Variants in PTPRD observed in about 807,000 individuals in gnomAD.
The protein encoded by PTPRD is protein tyrosine phosphatase receptor type D.
A neutral mutation model predicts 214.5 loss-of-function variants in PTPRD; 34 were observed. That is an observed-to-expected ratio of 0.16 (90% CI 0.12 to 0.21). The LOEUF (loss-of-function observed/expected upper bound fraction) is 0.21, where lower values mean the gene tolerates loss of function less well. PTPRD is among the 10% of genes least tolerant of loss of function. PTPRD has a pLI of 1.00. For missense variants in PTPRD, 2,545 were observed against 2,398.7 expected (o/e 1.06, Z -1.27); for synonymous variants, 1,128 against 845.7 (o/e 1.33, Z -5.79).
At chr9:9,275,073 T>TACATA (rs1555158912) in intron 9 of PTPRD, among the ~76,000 whole-genome samples, 1 of 80,482 alleles carries the variant, frequency 1.2e-5, no homozygotes, top group Non-Finnish European at 2.3e-5. Flanking sequence ...ATATTATATA[T>TACATA]ATATATATAA....
At chr9:8,593,192 T>G (rs1268587137) in intron 14 of PTPRD, among the ~76,000 whole-genome samples, 2 of 152,198 alleles carry the variant, frequency 1.3e-5, no homozygotes, top group East Asian at 3.8e-4. Flanking sequence ...AGCATTTGAT[T>G]GAAAAAAGAC....
At chr9:8,800,820 T>C (rs763472586) in intron 11 of PTPRD, among the ~76,000 whole-genome samples, 3 of 152,160 alleles carry the variant, frequency 2.0e-5, no homozygotes, top group African/African-American at 4.8e-5. Context: ...GGGGTCTGGA[T>C]TGGGACCCCT....
chr9:10,496,406 CATTT>C (rs1309497164), intron 2 of PTPRD, among the ~76,000 whole-genome samples: 1 of 148,188 alleles, frequency 6.7e-6, no homozygotes, highest in South Asian at 2.2e-4. Context: ...TTTATTAAAT[CATTT>C]ATTTATTAAA....
intron 5 of PTPRD, among the ~76,000 whole-genome samples, chr9:9,794,199 G>A (rs1363467592): frequency 2.0e-5 from 3 of 147,078 alleles, no homozygotes; most frequent in African/African-American, 7.7e-5. Flanking sequence ...ATGTGTGTGT[G>A]TGTATATATA....
At chr9:10,379,817 T>C (rs1389672924) in intron 2 of PTPRD, among the ~76,000 whole-genome samples, 1 of 152,116 alleles carries the variant, frequency 6.6e-6, no homozygotes, top group Non-Finnish European at 1.5e-5. Context: ...CAAATGTGTG[T>C]AGAGATTACC....
At position 9,809,272 on chromosome 9, in the gene PTPRD, T is replaced by G. The variant is rs559000919; in HGVS notation, c.-367-42421A>C. On this transcript the variant is annotated intron_variant, in intron 5 of 45. Transcript: ENST00000381196. ...GGCCTTAGCCACAAGAGATTTTTTT[T>G]TTTTTTTTTTTTTCAGACGCAGTCT... Among the ~76,000 whole-genome samples, 42 of 150,352 alleles carry G rather than the reference T, an allele frequency of 2.8e-4. 1 individual carries two copies. The highest frequency in any genetic ancestry group is 9.8e-4 in the African/African-American group (40 of 40,940).
At chr9:9,863,546 A>C (rs967767422) in intron 5 of PTPRD, among the ~76,000 whole-genome samples, 1 of 152,176 alleles carries the variant, frequency 6.6e-6, no homozygotes, top group African/African-American at 2.4e-5. Flanking sequence ...GATTAATCTA[A>C]GCTAATCAAG....
At position 8,525,230 on chromosome 9, in the gene PTPRD, ACAT is replaced by A. The variant is rs770914260; in HGVS notation, c.569-198_569-196del. 42 of 694,382 alleles carry A rather than the reference ACAT, an allele frequency of 6.0e-5. No homozygotes were observed. The African/African-American group carries it at 6.8e-4, about 11-fold the overall frequency. The allele number at this position is 694,382 out of a possible 1,614,324, so 43.0% of individuals were successfully genotyped here. On this transcript the variant is annotated intron_variant, in intron 17 of 45. Coordinates refer to ENST00000381196, the MANE Select transcript of PTPRD (RefSeq NM_002839.4). Reference sequence around the variant, plus strand: ...CATATAGAGATTATTTTTTTTTTTTACATCATCAATGCTAGCATTAGAAATCAA... The same window carrying A: ...CATATAGAGATTATTTTTTTTTTTTACATCAATGCTAGCATTAGAAATCAA...
chr9:8,622,947 G>A (rs1460014972), intron 14 of PTPRD, among the ~76,000 whole-genome samples: 1 of 151,540 alleles, frequency 6.6e-6, no homozygotes, highest in Admixed American at 6.6e-5. Flanking sequence ...AGACCAGCCT[G>A]GGCAATATAG....
intron 2 of PTPRD, among the ~76,000 whole-genome samples, chr9:10,371,723 T>C (rs538943398): frequency 5.3e-5 from 8 of 152,072 alleles, no homozygotes; most frequent in South Asian, 2.1e-4. Context: ...TTTGGAAATA[T>C]AGCATAAAGG....
chr9:9,531,554 A>G, intron 8 of PTPRD, among the ~76,000 whole-genome samples: 1 of 152,162 alleles, frequency 6.6e-6, no homozygotes, highest in East Asian at 1.9e-4. Context: ...GAATTATTGT[A>G]ATGATTACAT....
chr9:8,316,757 G>T lies in PTPRD; in HGVS notation c.*1117C>A, dbSNP rs575455208. On this transcript the variant is annotated 3_prime_UTR_variant, in exon 46 of 46. Transcript: ENST00000381196. ...ATTAGGTAGGAAATCAGGGGGTGAG[G>T]TTTGACAATCAATCACTGATGTGCA... 1.0e-3 allele frequency: 241 copies of T among 230,656 alleles called. 1 individual carries two copies. Among genetic ancestry groups the T allele is most frequent in the Non-Finnish European group, 1.6e-3 (189 of 116,680 alleles). 14.3% of individuals were successfully genotyped at this position (230,656 alleles called of 1,614,324 possible).
intron 39 of PTPRD, among the ~76,000 whole-genome samples, chr9:8,358,436 G>A (rs2077510037): frequency 6.6e-6 from 1 of 152,140 alleles, no homozygotes; most frequent in Admixed American, 6.6e-5. Flanking sequence ...GAAAGAACCA[G>A]GCTGGCAAAC....
intron 5 of PTPRD, among the ~76,000 whole-genome samples, chr9:9,856,737 C>T (rs2061630162): frequency 6.6e-6 from 1 of 152,138 alleles, no homozygotes; most frequent in African/African-American, 2.4e-5. Flanking sequence ...CAGCGGGATA[C>T]TTTTCTCAGC....
intron 39 of PTPRD, among the ~76,000 whole-genome samples, chr9:8,370,707 G>T (rs763066879): frequency 1.3e-5 from 2 of 152,038 alleles, no homozygotes; most frequent in Non-Finnish European, 1.5e-5. Context: ...ACCAGGGAAG[G>T]CTTGACAGAG....
rs541152963 is a variant in PTPRD at position 10,184,246 on chromosome 9, G to A, written c.-544-150456C>T. Among the ~76,000 whole-genome samples the A allele has an allele frequency of 7.6e-4, 115 of 152,112 alleles. 1 individual carries two copies. The highest frequency in any genetic ancestry group is 2.6e-3 in the African/African-American group (106 of 41,522). ...TCGAGACCAGCCTGGCCAACATGGC[G>A]AAACCACATCTCTACCAAAAATAGA... On this transcript the variant is annotated intron_variant, in intron 3 of 45. Coordinates refer to ENST00000381196, the MANE Select transcript of PTPRD (RefSeq NM_002839.4).
At position 9,471,073 on chromosome 9, in the gene PTPRD, T is replaced by C. The variant is rs34583615; in HGVS notation, c.-236-73591A>G. Among the ~76,000 whole-genome samples, 602 of 152,320 alleles carry C rather than the reference T, an allele frequency of 4.0e-3. 2 individuals carry two copies. Among genetic ancestry groups the C allele is most frequent in the Non-Finnish European group, 5.6e-3 (380 of 68,012 alleles). On this transcript the variant is annotated intron_variant, in intron 8 of 45. Transcript: ENST00000381196. Reference sequence around the variant, plus strand: ...CTTGGGGTCTAACAGAACTGATAAATCTGTAAAATGTAAAGCATTAAGTAC... The same window carrying C: ...CTTGGGGTCTAACAGAACTGATAAACCTGTAAAATGTAAAGCATTAAGTAC...
intron 11 of PTPRD, among the ~76,000 whole-genome samples, chr9:8,919,420 T>A (rs1449192994): frequency 6.6e-6 from 1 of 151,834 alleles, no homozygotes. Flanking sequence ...TCAACCAGAT[T>A]TATCTAATTT....
At chr9:9,287,445 A>G (rs1308266577) in intron 9 of PTPRD, among the ~76,000 whole-genome samples, 1 of 151,890 alleles carries the variant, frequency 6.6e-6, no homozygotes, top group African/African-American at 2.4e-5. Context: ...GATTGTAGCT[A>G]CTTGATAATT....
Sources: gnomAD v4.1 joint callset for allele counts (sites outside exome capture counted in the v4.1 genomes callset) on GRCh38, gnomAD v4.1.1 for gene constraint, MANE v1.5 for transcripts, NCBI Gene and HGNC (gene_info 2026-07-23, HGNC 2026-07-21) for gene names.